Variants in STAB2 observed in about 807,000 individuals in gnomAD.
The protein encoded by STAB2 is stabilin 2.
Under a neutral mutation model 338.1 loss-of-function variants are expected in STAB2, and 288 were observed. The observed-to-expected ratio is 0.85, with a 90% CI of 0.77 to 0.94. STAB2 has a LOEUF of 0.94. Among genes scored for constraint, STAB2 ranks in the 40% least tolerant of loss-of-function variants. STAB2 has a pLI of 0.00. For synonymous variants in STAB2, 1,202 were observed against 1,193.3 expected (o/e 1.01, Z -0.15); for missense variants, 3,141 against 3,210.1 (o/e 0.98, Z 0.52).
At chr12:103,681,539 A>G (rs1203799687) in intron 25 of STAB2, among the ~76,000 whole-genome samples, 1 of 149,662 alleles carries the variant, frequency 6.7e-6, no homozygotes, top group Non-Finnish European at 1.5e-5. Flanking sequence ...TTGTGGACAC[A>G]TCACCCTGAT....
chr12:103,587,610 A>G (rs910198450), intron 1 of STAB2, 53 bp downstream of exon 1: 2 of 1,465,494 alleles, frequency 1.4e-6, no homozygotes, highest in Middle Eastern at 1.7e-4. Context: ...TGATATGTTC[A>G]AAAGCTTGTC....
intron 27 of STAB2, among the ~76,000 whole-genome samples, chr12:103,687,915 C>G (rs1877574928): frequency 6.6e-6 from 1 of 152,188 alleles, no homozygotes; most frequent in Non-Finnish European, 1.5e-5. Context: ...TTCGAAGTTC[C>G]TGGAATTACT....
At chr12:103,654,458 T>C (rs1874021579) in intron 12 of STAB2, 97 bp from the exon 13 acceptor site, 2 of 1,307,086 alleles carry the variant, frequency 1.5e-6, no homozygotes, top group Non-Finnish European at 2.1e-6. Flanking sequence ...CCAATAAATA[T>C]CAAAGCCCAA....
chr12:103,633,380 T>G (rs1282647693), intron 6 of STAB2, among the ~76,000 whole-genome samples: 1 of 152,122 alleles, frequency 6.6e-6, no homozygotes, highest in Non-Finnish European at 1.5e-5. Context: ...AATCTAAATT[T>G]CAGAATAAGA....
At chr12:103,623,453 G>A (rs1400769949) in intron 5 of STAB2, among the ~76,000 whole-genome samples, 1 of 152,168 alleles carries the variant, frequency 6.6e-6, no homozygotes, top group Non-Finnish European at 1.5e-5. Flanking sequence ...GTTAATCACA[G>A]GGGTCCTTAA....
chr12:103,740,006 A>G (rs1164292770), intron 54 of STAB2, among the ~76,000 whole-genome samples: 4 of 152,200 alleles, frequency 2.6e-5, no homozygotes, highest in Admixed American at 2.6e-4. Context: ...GTCCACAGGT[A>G]TGGGGTCAAA....
chr12:103,733,281 C>G, intron 51 of STAB2, 99 bp downstream of exon 51: 1 of 1,370,706 alleles, frequency 7.3e-7, no homozygotes, highest in African/African-American at 1.4e-5. Flanking sequence ...CAGTGTGTCC[C>G]TGTCACCACT....
At chr12:103,610,195 G>C (rs912968612) in intron 3 of STAB2, among the ~76,000 whole-genome samples, 1 of 151,904 alleles carries the variant, frequency 6.6e-6, no homozygotes. Context: ...GATGATGCTG[G>C]CCTCATAAAA....
At chr12:103,643,829 T>TG (rs986196996) in intron 9 of STAB2, among the ~76,000 whole-genome samples, 5 of 149,660 alleles carry the variant, frequency 3.3e-5, no homozygotes, top group South Asian at 2.1e-4. Context: ...GGGAGGGAGG[T>TG]GGGGGGGTCA....
intron 3 of STAB2, among the ~76,000 whole-genome samples, chr12:103,597,680 T>G (rs948147504): frequency 3.3e-5 from 5 of 152,242 alleles, no homozygotes; most frequent in African/African-American, 1.2e-4. Context: ...AGATCTTTCC[T>G]CATTAGCACA....
At chr12:103,663,068 C>A in intron 18 of STAB2, 70 bp downstream of exon 18, 1 of 1,556,964 alleles carries the variant, frequency 6.4e-7, no homozygotes, top group Non-Finnish European at 8.7e-7. Flanking sequence ...CCACTCCTCA[C>A]AATTCTGAGA....
At chr12:103,682,536 A>C (rs909157604) in intron 25 of STAB2, among the ~76,000 whole-genome samples, 4 of 152,218 alleles carry the variant, frequency 2.6e-5, no homozygotes, top group Admixed American at 1.3e-4. Flanking sequence ...CATCTCCACC[A>C]AGTGGATACC....
rs776173348 is a variant in STAB2, at chr12:103,695,848, A to G, written c.3582+4A>G. 63 of 1,613,336 alleles carry G rather than the reference A, an allele frequency of 3.9e-5. No individual in the cohort carries two copies. Among genetic ancestry groups the G allele is most frequent in the Non-Finnish European group, 5.3e-5 (62 of 1,179,372 alleles). On this transcript the variant is annotated splice_donor_region_variant and intron_variant, in intron 33 of 68. Transcript: ENST00000388887. ...GGAGAAGAAAGTCTTGTCTCTAGTAAGTGTCAAGAACTATAACTAGGGAAG... is the reference window on the plus strand; with the variant it reads ...GGAGAAGAAAGTCTTGTCTCTAGTAGGTGTCAAGAACTATAACTAGGGAAG...
chr12:103,625,492 T>C (rs1007904870), intron 5 of STAB2, among the ~76,000 whole-genome samples: 1 of 152,198 alleles, frequency 6.6e-6, no homozygotes, highest in Non-Finnish European at 1.5e-5. Flanking sequence ...GTATATCTCC[T>C]AAAGCTATCC....
chr12:103,622,533 T>C (rs1593152466), intron 5 of STAB2, among the ~76,000 whole-genome samples: 1 of 152,022 alleles, frequency 6.6e-6, no homozygotes, highest in African/African-American at 2.4e-5. Flanking sequence ...CTAAGTTAGG[T>C]TTTCAATCTC....
At chr12:103,687,086 C>T in intron 27 of STAB2, among the ~76,000 whole-genome samples, 1 of 152,142 alleles carries the variant, frequency 6.6e-6, no homozygotes, top group Admixed American at 6.5e-5. Flanking sequence ...TTATTGTATT[C>T]ATGTAAATTT....
In STAB2 at chr12:103,663,109, C is replaced by G. The variant is rs142528535; in HGVS notation, c.2022+111C>G. 2.7e-5 allele frequency: 38 copies of G among 1,385,074 alleles called. No homozygotes were observed. In the African/African-American group the frequency reaches 5.1e-4, roughly 18 times the overall value. 85.8% of individuals were successfully genotyped at this position (1,385,074 alleles called of 1,614,324 possible). ...GTCAAAGAAAGTTGGACTTCCAGAA[C>G]CTTGTCCCCAAAGGGCTTCCGTCTT... is the stretch of plus-strand genomic sequence containing the variant. On this transcript the variant is annotated intron_variant, in intron 18 of 68. Coordinates refer to ENST00000388887, the MANE Select transcript of STAB2 (RefSeq NM_017564.10).
In STAB2 at chr12:103,738,529, G is replaced by A. The variant is rs114310701; in HGVS notation, c.5697+749G>A. The stretch of plus-strand genomic sequence containing the variant: ...TTGTCACCAGTTGATATCAGTACCT[G>A]GCATCCCCTAGGAATTTCAATAACT... On this transcript the variant is annotated intron_variant, in intron 53 of 68. Coordinates refer to ENST00000388887, the MANE Select transcript of STAB2 (RefSeq NM_017564.10). Among the ~76,000 whole-genome samples, 694 of 152,214 alleles carry A rather than the reference G, an allele frequency of 4.6e-3. 2 individuals carry two copies. The highest frequency in any genetic ancestry group is 0.016 in the African/African-American group (647 of 41,522).
At chr12:103,728,710 C>A in intron 47 of STAB2, 139 bp from the exon 48 acceptor site, 1 of 1,084,088 alleles carries the variant, frequency 9.2e-7, no homozygotes, top group Non-Finnish European at 1.4e-6. Context: ...ACTCTATAAT[C>A]CTGACCACAA....
Sources: allele counts gnomAD v4.1 joint callset (sites outside exome capture counted in the v4.1 genomes callset), GRCh38; gene constraint gnomAD v4.1.1; transcripts MANE v1.5; gene names NCBI Gene and HGNC (gene_info 2026-07-23, HGNC 2026-07-21).